COBL: variants seen among roughly 807,000 people sequenced by gnomAD.
COBL encodes the protein cordon-bleu WH2 repeat protein.
In COBL, 51 loss-of-function variants were observed where a neutral mutation model predicts 98.8. The observed-to-expected ratio is 0.52, with a 90% CI of 0.41 to 0.65. COBL has a LOEUF of 0.65. COBL is among the 30% of genes least tolerant of loss of function. COBL has a pLI of 0.00. For missense variants in COBL, 1,617 were observed against 1,617.5 expected (o/e 1.00, Z 0.01); for synonymous variants, 634 against 651.7 (o/e 0.97, Z 0.41).
chr7:51,089,942 A>T (rs944465996), intron 6 of COBL, among the ~76,000 whole-genome samples: 1 of 152,230 alleles, frequency 6.6e-6, no homozygotes, highest in East Asian at 1.9e-4. Flanking sequence ...ATAATTAACT[A>T]AATTAGCCCC....
intron 6 of COBL, among the ~76,000 whole-genome samples, chr7:51,105,228 C>T (rs998268517): frequency 6.6e-6 from 1 of 152,118 alleles, no homozygotes; most frequent in Non-Finnish European, 1.5e-5. Flanking sequence ...TGCTGTTTTT[C>T]GTGTCTCCGA....
At chr7:51,165,736 AT>A (rs1442086661) in intron 5 of COBL, among the ~76,000 whole-genome samples, 1 of 151,996 alleles carries the variant, frequency 6.6e-6, no homozygotes, top group Non-Finnish European at 1.5e-5. Context: ...GTCTTAAAAC[AT>A]TTTTAAAAAC....
rs1159325997 is a variant in COBL, at chr7:51,028,183, G to A, written c.2913C>T (p.His971=). 2.5e-6 allele frequency: 4 copies of A among 1,614,158 alleles called. No homozygotes were observed. The South Asian group carries it at 3.3e-5, about 13-fold the overall frequency. The change falls in exon 10 of 13, where the codon CAC becomes CAT. Residue 971 remains histidine (H), a synonymous_variant. Coordinates refer to ENST00000265136, the MANE Select transcript of COBL (RefSeq NM_015198.5). Reference sequence around the variant, plus strand: ...GAACCAGTGAGAAACAGGAGCTTCTGTGGATAGCAGCAGGTCTGTCCTGAG... The same window carrying A: ...GAACCAGTGAGAAACAGGAGCTTCTATGGATAGCAGCAGGTCTGTCCTGAG... ...LSTQDRPAAI[H]RSSCFSLVQS... is the part of the protein sequence containing the mutation.
chr7:51,304,845 G>C (rs1802306513), intron 1 of COBL, among the ~76,000 whole-genome samples: 1 of 152,200 alleles, frequency 6.6e-6, no homozygotes, highest in South Asian at 2.1e-4. Flanking sequence ...CTCCGCCTTA[G>C]TCATGAGGGA....
chr7:51,159,585 T>C (rs1472288124), intron 5 of COBL, among the ~76,000 whole-genome samples: 1 of 152,214 alleles, frequency 6.6e-6, no homozygotes, highest in African/African-American at 2.4e-5. Flanking sequence ...GTGGAAATAA[T>C]AGTCATGTTT....
chr7:51,214,851 G>A (rs778265997), intron 2 of COBL, among the ~76,000 whole-genome samples: 1 of 152,158 alleles, frequency 6.6e-6, no homozygotes, highest in Non-Finnish European at 1.5e-5. Flanking sequence ...ACGCAGTCTT[G>A]TTTGAGATCG....
At position 51,060,936 on chromosome 7, in the gene COBL, T is replaced by C. The variant is rs970422406; in HGVS notation, c.1097-17244A>G. Among the ~76,000 whole-genome samples the C allele has an allele frequency of 3.3e-5, 5 of 152,250 alleles. No homozygotes were observed. In the South Asian group the frequency reaches 8.3e-4, roughly 25 times the overall value. ...TCTAGAATGGAGGTAAGGAACAGTA[T>C]GGGATGTAGGAGATCCCTTAGGACT... On this transcript the variant is annotated intron_variant, in intron 7 of 12. Transcript: ENST00000265136.
intron 1 of COBL, among the ~76,000 whole-genome samples, chr7:51,301,320 C>G (rs373973943): frequency 2.0e-5 from 3 of 152,200 alleles, no homozygotes; most frequent in African/African-American, 7.2e-5. Context: ...CTTCAACTAC[C>G]GCGCCTGGCA....
chr7:51,231,433 G>A (rs531611462), intron 1 of COBL, among the ~76,000 whole-genome samples: 1 of 152,208 alleles, frequency 6.6e-6, no homozygotes. Flanking sequence ...CCAAGCAGGG[G>A]TTCCTGGGGA....
chr7:51,032,641 G>A (rs1296204804), intron 8 of COBL: 1 of 152,216 alleles, frequency 6.6e-6, no homozygotes. Flanking sequence ...CCTCTGACAA[G>A]CTACACAAAG....
At position 51,025,363 on chromosome 7, in the gene COBL, A is replaced by G. The variant is rs753748024; in HGVS notation, c.3514T>C (p.Ser1172Pro). The change falls in exon 12 of 13, where the codon TCT (serine) becomes CCT (proline). Residue 1172 changes from serine (S) to proline (P), a missense_variant. By Grantham distance (74) the Ser-to-Pro change is moderately conservative. Around this residue, in one of 3 missense-constraint regions of COBL, gnomAD observed 1,304 missense variants for 1,282.0 expected, o/e 1.02. Transcript: ENST00000265136. The stretch of plus-strand genomic sequence containing the variant: ...AAGCTCTGGAGCTCCTCAGAAGCAG[A>G]GGATGCCACCTGGCAATGAGATGAT... ...GTCSLRKVAS[S>P]ASEELQSFRD... is the part of the protein sequence containing the mutation. 3 of 1,613,322 alleles carry G rather than the reference A, an allele frequency of 1.9e-6. No individual in the cohort carries two copies. In the South Asian group the frequency reaches 3.3e-5, roughly 18 times the overall value.
intron 1 of COBL, among the ~76,000 whole-genome samples, chr7:51,268,158 C>A (rs1798402608): frequency 6.6e-6 from 1 of 152,126 alleles, no homozygotes; most frequent in Non-Finnish European, 1.5e-5. Flanking sequence ...CGCCCACTCT[C>A]AATAAAGAAA....
intron 5 of COBL, among the ~76,000 whole-genome samples, chr7:51,164,041 AAC>A (rs1787067721): frequency 6.6e-6 from 1 of 152,230 alleles, no homozygotes; most frequent in African/African-American, 2.4e-5. Context: ...ATAGGTGATG[AAC>A]AGTGTTCACT....
At chr7:51,167,972 T>C (rs934218490) in intron 5 of COBL, among the ~76,000 whole-genome samples, 12 of 152,080 alleles carry the variant, frequency 7.9e-5, no homozygotes, top group Non-Finnish European at 1.6e-4. Context: ...ACAAAAAAAA[T>C]TGGGGAAAAT....
At chr7:51,027,048 A>G (rs1225024032) in intron 10 of COBL, among the ~76,000 whole-genome samples, 1 of 152,218 alleles carries the variant, frequency 6.6e-6, no homozygotes, top group Admixed American at 6.5e-5. Context: ...TATTCATCCC[A>G]GTGTTCCAGA....
intron 1 of COBL, among the ~76,000 whole-genome samples, chr7:51,258,190 A>G (rs183554238): frequency 6.6e-6 from 1 of 152,380 alleles, no homozygotes; most frequent in East Asian, 1.9e-4. Flanking sequence ...ATAACTCTTC[A>G]ATGAATGGTT....
At chr7:51,232,391 G>A (rs1027344298) in intron 1 of COBL, among the ~76,000 whole-genome samples, 1 of 152,174 alleles carries the variant, frequency 6.6e-6, no homozygotes, top group Non-Finnish European at 1.5e-5. Flanking sequence ...CCATCTGGCT[G>A]TGGGCTCTGG....
chr7:51,228,940 T>C (rs1416794890), intron 1 of COBL, among the ~76,000 whole-genome samples: 1 of 152,066 alleles, frequency 6.6e-6, no homozygotes, highest in Non-Finnish European at 1.5e-5. Context: ...GCTAGTTTAC[T>C]GAAGTTTGAA....
intron 1 of COBL, among the ~76,000 whole-genome samples, chr7:51,300,480 C>T (rs1323712274): frequency 2.0e-5 from 3 of 152,062 alleles, no homozygotes; most frequent in Non-Finnish European, 1.5e-5. Context: ...GTTATTAAAG[C>T]GGGGAAGCCT....
Sources: allele counts gnomAD v4.1 joint callset (sites outside exome capture counted in the v4.1 genomes callset), GRCh38; gene constraint gnomAD v4.1.1; regional missense constraint gnomAD v4.1.1; transcripts MANE v1.5; gene names NCBI Gene and HGNC (gene_info 2026-07-23, HGNC 2026-07-21).